The following WDR70 variants were observed in gnomAD, a reference collection of about 807,000 sequenced individuals.
WDR70 encodes WD repeat domain 70, also known as WD repeat-containing protein 70.
Under a neutral mutation model 88.6 loss-of-function variants are expected in WDR70, and 53 were observed. The observed-to-expected ratio is 0.60, with a 90% CI of 0.48 to 0.75. The LOEUF is 0.75. WDR70 is among the 30% of genes least tolerant of loss of function. WDR70 has a pLI of 0.00. For synonymous variants in WDR70, 280 were observed against 270.0 expected (o/e 1.04, Z -0.36); for missense variants, 610 against 823.2 (o/e 0.74, Z 3.17).
At chr5:37,613,993 GT>G (rs1466744255) in intron 10 of WDR70, among the ~76,000 whole-genome samples, 3 of 152,134 alleles carry the variant, frequency 2.0e-5, no homozygotes, top group Non-Finnish European at 2.9e-5. Context: ...GCTAAGAATG[GT>G]TTTTACATTT....
Position 37,752,627 on chromosome 5 carries a change from G to T in WDR70, c.*54G>T. 1 of 1,341,218 alleles carries T rather than the reference G, an allele frequency of 7.5e-7. No homozygotes were observed. The highest frequency in any genetic ancestry group is 2.3e-5 in the Admixed American group (1 of 42,564). 83.1% of individuals were successfully genotyped at this position (1,341,218 alleles called of 1,614,324 possible). A position where few individuals can be genotyped will look rare whatever the true frequency, so the allele number is the denominator to read the frequency against. ...AGTGGGAGGGGTATGGGACAGGTTT[G>T]GGTTTTTTTTTTATGCTCATGAAAT... On this transcript the variant is annotated 3_prime_UTR_variant, in exon 18 of 18. Transcript: ENST00000265107.
At chr5:37,632,470 T>C (rs1744843776) in intron 10 of WDR70, among the ~76,000 whole-genome samples, 1 of 152,166 alleles carries the variant, frequency 6.6e-6, no homozygotes, top group Non-Finnish European at 1.5e-5. Flanking sequence ...TTTCAGTGGG[T>C]TGATATATAA....
At chr5:37,491,166 C>A (rs533351628) in intron 8 of WDR70, among the ~76,000 whole-genome samples, 12 of 152,246 alleles carry the variant, frequency 7.9e-5, no homozygotes, top group African/African-American at 2.6e-4. Flanking sequence ...TTTTACTCAC[C>A]TTTTCCCCAC....
Position 37,468,095 on chromosome 5 carries a change from C to T in WDR70, c.687-11739C>T, listed in dbSNP as rs190224547. Among the ~76,000 whole-genome samples, 17 of 152,154 alleles carry T rather than the reference C, an allele frequency of 1.1e-4. No homozygotes were observed. The East Asian group carries it at 2.5e-3, about 23-fold the overall frequency. ...CGATCTCCTGACCTTGTGATTCACCCGCCTCGGCCTCCCAAAGTGGTAGGA... is the reference window on the plus strand; with the variant it reads ...CGATCTCCTGACCTTGTGATTCACCTGCCTCGGCCTCCCAAAGTGGTAGGA... On this transcript the variant is annotated intron_variant, in intron 7 of 17. Transcript: ENST00000265107.
intron 17 of WDR70, among the ~76,000 whole-genome samples, chr5:37,727,738 A>C (rs1409977272): frequency 6.6e-6 from 1 of 151,868 alleles, no homozygotes; most frequent in Non-Finnish European, 1.5e-5. Context: ...GCCACACCCA[A>C]CTAATGTTTT....
chr5:37,717,466 AT>A (rs1747682938), intron 13 of WDR70, among the ~76,000 whole-genome samples: 1 of 152,044 alleles, frequency 6.6e-6, no homozygotes, highest in African/African-American at 2.4e-5. Flanking sequence ...TATTTGCTGC[AT>A]TTCTCAGTGA....
At chr5:37,671,601 A>T (rs974630411) in intron 10 of WDR70, among the ~76,000 whole-genome samples, 2 of 152,292 alleles carry the variant, frequency 1.3e-5, no homozygotes, top group Non-Finnish European at 2.9e-5. Flanking sequence ...ACAGTAATTC[A>T]TTTAAATTCT....
intron 10 of WDR70, among the ~76,000 whole-genome samples, chr5:37,669,119 C>T (rs1581479212): frequency 6.6e-6 from 1 of 152,124 alleles, no homozygotes; most frequent in South Asian, 2.1e-4. Context: ...CCTTTCCCAA[C>T]TTGCAAATTA....
At chr5:37,427,658 T>C (rs9292654) in intron 5 of WDR70, among the ~76,000 whole-genome samples, 147,867 of 152,238 alleles carry the variant, frequency 0.97, 71,971 homozygotes, top group East Asian at 1. Context: ...GGTGGATCGC[T>C]TGAGGATCAC....
chr5:37,679,195 T>G (rs1214293627), intron 10 of WDR70, among the ~76,000 whole-genome samples: 2 of 151,756 alleles, frequency 1.3e-5, no homozygotes, highest in African/African-American at 2.4e-5. Context: ...CTGTAGCTCG[T>G]AGTAGTTTGA....
At chr5:37,404,584 A>T (rs1749295575) in intron 5 of WDR70, among the ~76,000 whole-genome samples, 1 of 152,286 alleles carries the variant, frequency 6.6e-6, no homozygotes, top group Admixed American at 6.5e-5. Context: ...AATCTTGTTC[A>T]TTTTTATATC....
chr5:37,535,415 G>A (rs1180753434), intron 9 of WDR70, among the ~76,000 whole-genome samples: 3 of 152,244 alleles, frequency 2.0e-5, no homozygotes, highest in Non-Finnish European at 4.4e-5. Context: ...TAGGAAATGA[G>A]TTTGGAAAAG....
At chr5:37,424,858 C>A (rs1397415819) in intron 5 of WDR70, among the ~76,000 whole-genome samples, 1 of 152,126 alleles carries the variant, frequency 6.6e-6, no homozygotes, top group Non-Finnish European at 1.5e-5. Flanking sequence ...CTACTATAAG[C>A]TGAACATTGT....
chr5:37,623,442 C>T (rs1744571879), intron 10 of WDR70, among the ~76,000 whole-genome samples: 1 of 152,166 alleles, frequency 6.6e-6, no homozygotes, highest in South Asian at 2.1e-4. Context: ...ACAGATACTA[C>T]TTCCAAATAA....
chr5:37,469,570 T>C (rs1437948039), intron 7 of WDR70, among the ~76,000 whole-genome samples: 5 of 152,172 alleles, frequency 3.3e-5, no homozygotes, highest in East Asian at 1.9e-4. Context: ...GGGAATTTAA[T>C]TGGGAGTAAC....
intron 7 of WDR70, among the ~76,000 whole-genome samples, chr5:37,470,916 C>G (rs1739308263): frequency 6.7e-6 from 1 of 149,458 alleles, no homozygotes; most frequent in African/African-American, 2.5e-5. Context: ...GAGACCGAGT[C>G]TCACTCTGTT....
intron 8 of WDR70, among the ~76,000 whole-genome samples, chr5:37,487,625 G>GTTTTT (rs1739922838): frequency 8.5e-5 from 1 of 11,714 alleles, no homozygotes; most frequent in Admixed American, 1.3e-3. Context: ...ATATATATAT[G>GTTTTT]TATTTTTTTT....
rs185028967 is a variant in WDR70, at chr5:37,647,099, G to C, written c.1092+41861G>C. 2.8e-3 allele frequency among the ~76,000 whole-genome samples: 419 copies of C among 152,026 alleles called. 2 individuals carry two copies. Among genetic ancestry groups the C allele is most frequent in the African/African-American group, 9.6e-3 (400 of 41,452 alleles). On this transcript the variant is annotated intron_variant, in intron 10 of 17. Transcript: ENST00000265107. ...CTGACTGAATATTTTCAAATAGCCTGTCTTCAAGCTCACTAATTCTTTCTT... is the reference window on the plus strand; with the variant it reads ...CTGACTGAATATTTTCAAATAGCCTCTCTTCAAGCTCACTAATTCTTTCTT...
At chr5:37,705,551 GTT>G (rs1747298127) in intron 13 of WDR70, among the ~76,000 whole-genome samples, 1 of 151,616 alleles carries the variant, frequency 6.6e-6, no homozygotes, top group Non-Finnish European at 1.5e-5. Flanking sequence ...TCATTTTTCT[GTT>G]TATATATTAG....
Sources: gnomAD v4.1 joint callset for allele counts (sites outside exome capture counted in the v4.1 genomes callset) on GRCh38, gnomAD v4.1.1 for gene constraint, MANE v1.5 for transcripts, NCBI Gene and HGNC (gene_info 2026-07-23, HGNC 2026-07-21) for gene names.